The following KALRN variants were observed in gnomAD, a reference collection of about 807,000 sequenced individuals.
KALRN encodes kalirin RhoGEF kinase.
In KALRN, 70 loss-of-function variants were observed where a neutral mutation model predicts 353.7. That is an observed-to-expected ratio of 0.20 (90% CI 0.16 to 0.24). The LOEUF is 0.24. Among genes scored for constraint, KALRN ranks in the 10% least tolerant of loss-of-function variants. The pLI is 1.00. For synonymous variants in KALRN, 1,391 were observed against 1,434.8 expected (o/e 0.97, Z 0.69); for missense variants, 2,791 against 3,756.7 (o/e 0.74, Z 6.72).
intron 2 of KALRN, 129 bp downstream of exon 2, chr3:124,228,193 T>G: frequency 1.3e-6 from 1 of 792,910 alleles, no homozygotes; most frequent in Non-Finnish European, 2.2e-6. Context: ...GGGCAGCTGC[T>G]TTCTTTCTCC....
chr3:124,150,825 T>G (rs1204887095), intron 1 of KALRN, among the ~76,000 whole-genome samples: 1 of 152,204 alleles, frequency 6.6e-6, no homozygotes, highest in Non-Finnish European at 1.5e-5. Flanking sequence ...AATAACATTA[T>G]GAGCACCCTA....
At chr3:124,179,328 C>T (rs923079129) in intron 1 of KALRN, among the ~76,000 whole-genome samples, 2 of 151,864 alleles carry the variant, frequency 1.3e-5, no homozygotes, top group East Asian at 1.9e-4. Flanking sequence ...ACATATTAGC[C>T]TAGGCCTACA....
chr3:124,615,572 G>A (rs1028752261), intron 34 of KALRN, among the ~76,000 whole-genome samples: 1 of 152,182 alleles, frequency 6.6e-6, no homozygotes, highest in African/African-American at 2.4e-5. Context: ...GTTAACATTG[G>A]AGGAATCTGA....
intron 13 of KALRN, among the ~76,000 whole-genome samples, chr3:124,404,222 T>G (rs1166618900): frequency 6.6e-6 from 1 of 151,122 alleles, no homozygotes; most frequent in Non-Finnish European, 1.5e-5. Flanking sequence ...TAATTGAAAA[T>G]GTTTATCATA....
At chr3:124,381,937 C>T (rs897505679) in intron 10 of KALRN, among the ~76,000 whole-genome samples, 2 of 152,146 alleles carry the variant, frequency 1.3e-5, no homozygotes, top group Non-Finnish European at 2.9e-5. Flanking sequence ...ACAGGCTTGG[C>T]TATGAGAAGC....
chr3:124,253,300 C>T (rs1271658624), intron 3 of KALRN, among the ~76,000 whole-genome samples: 1 of 152,332 alleles, frequency 6.6e-6, no homozygotes, highest in African/African-American at 2.4e-5. Flanking sequence ...CTCCAGGAAC[C>T]TTTCTTTCTC....
At chr3:124,369,682 T>C (rs558398522) in intron 10 of KALRN, among the ~76,000 whole-genome samples, 1 of 152,310 alleles carries the variant, frequency 6.6e-6, no homozygotes, top group Non-Finnish European at 1.5e-5. Flanking sequence ...ACAATAGATC[T>C]CTTGAACATG....
chr3:124,623,422 ACACAC>A (rs2079542570), intron 34 of KALRN, among the ~76,000 whole-genome samples: 2 of 148,712 alleles, frequency 1.3e-5, no homozygotes, highest in Non-Finnish European at 3.0e-5. Flanking sequence ...ACACACACAC[ACACAC>A]AAAAGGGAGT....
chr3:124,181,603 T>C (rs2073609814), intron 1 of KALRN, among the ~76,000 whole-genome samples: 2 of 152,178 alleles, frequency 1.3e-5, no homozygotes, highest in Admixed American at 1.3e-4. Context: ...ATCTTGCACT[T>C]ATCTGCCATG....
chr3:124,049,918 TTATAA>T (rs2040866898), intron 1 of KALRN, among the ~76,000 whole-genome samples: 1 of 152,230 alleles, frequency 6.6e-6, no homozygotes, highest in African/African-American at 2.4e-5. Context: ...TTTTGCTAGT[TTATAA>T]TATATTATTC....
intron 34 of KALRN, among the ~76,000 whole-genome samples, chr3:124,611,057 G>A (rs1006523556): frequency 6.6e-6 from 1 of 152,068 alleles, no homozygotes; most frequent in Non-Finnish European, 1.5e-5. Context: ...TGGCTAGATG[G>A]CAGTAAGTGC....
intron 28 of KALRN, among the ~76,000 whole-genome samples, chr3:124,484,149 C>T (rs3729581): frequency 0.25 from 37,943 of 152,090 alleles, 5,960 homozygotes; most frequent in East Asian, 0.48. Flanking sequence ...TTCACTGAAC[C>T]TGAAAACCAG....
intron 1 of KALRN, among the ~76,000 whole-genome samples, chr3:124,136,958 C>T (rs906329465): frequency 1.3e-5 from 2 of 152,032 alleles, no homozygotes; most frequent in East Asian, 3.9e-4. Context: ...CTGAGCAGAC[C>T]CGGATGATTA....
At chr3:124,695,353 AACTTTCATTCATTG>A (rs1559860370) in intron 53 of KALRN, among the ~76,000 whole-genome samples, 1 of 152,342 alleles carries the variant, frequency 6.6e-6, no homozygotes, top group East Asian at 1.9e-4. Flanking sequence ...AGAATCAAGA[AACTTTCATTCATTG>A]ACTTAATTTG....
At chr3:124,286,105 T>TTC (rs1332313623) in intron 5 of KALRN, among the ~76,000 whole-genome samples, 1 of 146,914 alleles carries the variant, frequency 6.8e-6, no homozygotes, top group African/African-American at 2.6e-5. Context: ...CTTTCTTTCT[T>TTC]TCTTTCTTTC....
chr3:124,632,380 C>T (rs1165296341), intron 34 of KALRN, 40 bp from the exon 35 acceptor site: 5 of 1,601,478 alleles, frequency 3.1e-6, no homozygotes, highest in Admixed American at 1.7e-5. Context: ...GGCCTGCCTT[C>T]ACCACCTCTG....
intron 10 of KALRN, among the ~76,000 whole-genome samples, chr3:124,366,108 T>A (rs1261675887): frequency 6.6e-6 from 1 of 152,208 alleles, no homozygotes; most frequent in Non-Finnish European, 1.5e-5. Context: ...TGATAAGCAA[T>A]GTCATAAAGT....
chr3:124,569,445 A>C (rs2110024646), intron 34 of KALRN, among the ~76,000 whole-genome samples: 1 of 152,358 alleles, frequency 6.6e-6, no homozygotes, highest in African/African-American at 2.4e-5. Context: ...CAACTCACAA[A>C]AATACCTAAC....
At chr3:124,638,632 A>C (rs2081642204) in intron 37 of KALRN, among the ~76,000 whole-genome samples, 1 of 151,718 alleles carries the variant, frequency 6.6e-6, no homozygotes. Context: ...CCCTGAATTC[A>C]TTCCTGGAGT....
Sources: gnomAD v4.1 joint callset for allele counts (sites outside exome capture counted in the v4.1 genomes callset) on GRCh38, gnomAD v4.1.1 for gene constraint, MANE v1.5 for transcripts, NCBI Gene and HGNC (gene_info 2026-07-23, HGNC 2026-07-21) for gene names.